LRRC3C: variants seen among roughly 807,000 people sequenced by gnomAD.
LRRC3C encodes the protein leucine rich repeat containing 3C.
LRRC3C carries 11 observed loss-of-function variants against 14.8 expected under a neutral mutation model. The observed-to-expected ratio is 0.74, with a 90% CI of 0.47 to 1.23. The LOEUF is 1.23. Ranked by LOEUF, LRRC3C falls within the 50% of genes most tolerant of loss-of-function variation. The probability of loss-of-function intolerance (pLI) is 0.00; values close to 1 mark genes in which losing one functional copy is unlikely to be tolerated. For missense variants in LRRC3C, 354 were observed against 361.8 expected (o/e 0.98, Z 0.18); for synonymous variants, 149 against 161.5 (o/e 0.92, Z 0.59).
intron 1 of LRRC3C, among the ~76,000 whole-genome samples, chr17:39,929,878 G>A (rs967834066): frequency 6.6e-6 from 1 of 152,174 alleles, no homozygotes; most frequent in Admixed American, 6.5e-5. Flanking sequence ...TATGGGGAAT[G>A]TTTGCTAAGT....
In LRRC3C at chr17:39,944,097, G is replaced by T; in HGVS notation, c.191G>T (p.Arg64Leu). ...VAKEAGERTF[R>L]CSQAGLSAVP... is the part of the protein sequence containing the mutation. ...AAGGAAGCAGGTGAACGGACGTTCC[G>T]CTGCAGCCAGGCAGGCCTCAGTGCT... Residue 64 changes from arginine (R) to leucine (L), a missense_variant, in exon 4 of 4, where the codon CGC becomes CTC. Transcript: ENST00000377924. 6.5e-7 allele frequency: 1 copy of T among 1,536,080 alleles called. No homozygotes were observed. Among genetic ancestry groups the T allele is most frequent in the Non-Finnish European group, 8.7e-7 (1 of 1,146,878 alleles).
At chr17:39,939,317 T>C (rs1978880360) in intron 2 of LRRC3C, 4 of 979,188 alleles carry the variant, frequency 4.1e-6, no homozygotes, top group African/African-American at 1.8e-5. Flanking sequence ...TTAATACTTA[T>C]TCTCTCTCTG....
intron 1 of LRRC3C, 28 bp from the exon 2 acceptor site, chr17:39,935,774 T>G (rs1274176198): frequency 2.2e-5 from 21 of 962,708 alleles, no homozygotes; most frequent in Non-Finnish European, 2.6e-5. Context: ...ATGAAGTGTA[T>G]GTATACACCC....
At chr17:39,929,726 T>C (rs1360313554) in intron 1 of LRRC3C, among the ~76,000 whole-genome samples, 1 of 152,174 alleles carries the variant, frequency 6.6e-6, no homozygotes, top group Non-Finnish European at 1.5e-5. Context: ...AAAGCTGCAA[T>C]GTGTCAGGAT....
chr17:39,930,451 T>G (rs1978618125), intron 1 of LRRC3C, among the ~76,000 whole-genome samples: 1 of 131,198 alleles, frequency 7.6e-6, no homozygotes, highest in Non-Finnish European at 1.6e-5. Context: ...CGCATGCCTG[T>G]AACCCCAGTA....
At chr17:39,930,430 G>A (rs1978616978) in intron 1 of LRRC3C, among the ~76,000 whole-genome samples, 2 of 140,340 alleles carry the variant, frequency 1.4e-5, no homozygotes, top group Admixed American at 7.1e-5. Context: ...AAAAAAGGCC[G>A]GGCATGGTCA....
At chr17:39,928,139 CCTT>C (rs1019793185) in intron 1 of LRRC3C, among the ~76,000 whole-genome samples, 16 of 152,254 alleles carry the variant, frequency 1.1e-4, no homozygotes, top group African/African-American at 3.9e-4. Flanking sequence ...CCTGCCTTCT[CCTT>C]CTCAGTCACG....
rs1978518852 is a variant in LRRC3C, at chr17:39,927,732, G to A, written c.-257G>A. 3 of 985,350 alleles carry A rather than the reference G, an allele frequency of 3.0e-6. No individual in the cohort carries two copies. Among genetic ancestry groups the A allele is most frequent in the Non-Finnish European group, 3.6e-6 (3 of 829,996 alleles). 61.0% of individuals were successfully genotyped at this position (985,350 alleles called of 1,614,324 possible). On this transcript the variant is annotated 5_prime_UTR_variant, in exon 1 of 4. Coordinates refer to ENST00000377924, the MANE Select transcript of LRRC3C (RefSeq NM_001195545.2). The stretch of plus-strand genomic sequence containing the variant: ...CCTCCTGGGAGTTGTAGTTTTTCCT[G>A]GGCTCCGTTCCCGGCCTCTTCGGGG...
Position 39,944,265 on chromosome 17 carries a change from G to A in LRRC3C, c.359G>A (p.Gly120Glu), listed in dbSNP as rs530898305. The A allele has an allele frequency of 3.3e-6, 5 of 1,534,976 alleles. No individual in the cohort carries two copies. In the Admixed American group the frequency reaches 7.9e-5, roughly 24 times the overall value. Residue 120 changes from glycine (G) to glutamate (E), a missense_variant, in exon 4 of 4, where the codon GGG becomes GAG. Transcript: ENST00000377924. ...LSHNALAHLS[G>E]AAFQGLEGTL... ...CATAATGCCCTTGCCCACCTCTCAG[G>A]GGCGGCTTTCCAGGGCCTGGAGGGC...
chr17:39,933,557 A>AC (rs1469810228), intron 1 of LRRC3C, among the ~76,000 whole-genome samples: 3 of 152,052 alleles, frequency 2.0e-5, no homozygotes, highest in African/African-American at 7.2e-5. Context: ...ACACAGTGAA[A>AC]CCCCATCTCC....
Position 39,927,772 on chromosome 17 carries a change from G to C in LRRC3C, c.-217G>C, listed in dbSNP as rs763234955. 42 of 985,388 alleles carry C rather than the reference G, an allele frequency of 4.3e-5. No individual in the cohort carries two copies. The highest frequency in any genetic ancestry group is 4.8e-5 in the Non-Finnish European group (40 of 829,962). The allele number at this position is 985,388 out of a possible 1,614,324, so 61.0% of individuals were successfully genotyped here. A position where few individuals can be genotyped will look rare whatever the true frequency, so the allele number is the denominator to read the frequency against. On this transcript the variant is annotated 5_prime_UTR_variant, in exon 1 of 4. Coordinates refer to ENST00000377924, the MANE Select transcript of LRRC3C (RefSeq NM_001195545.2). Reference sequence around the variant, plus strand: ...CCTCTTCGGGGACGCACGGTTGGAAGTTGTACCGTGACGTGATGGTCAGAT... The same window carrying C: ...CCTCTTCGGGGACGCACGGTTGGAACTTGTACCGTGACGTGATGGTCAGAT...
In LRRC3C at chr17:39,943,938, A is replaced by G. The variant is rs1053185947; in HGVS notation, c.32A>G (p.Tyr11Cys). 5.2e-6 allele frequency: 8 copies of G among 1,535,816 alleles called. No individual in the cohort carries two copies. In the African/African-American group the frequency reaches 1.1e-4, roughly 21 times the overall value. Residue 11 changes from tyrosine (Y) to cysteine (C), a missense_variant, in exon 4 of 4, where the codon TAC becomes TGC. Tyr to Cys is a radical substitution (Grantham distance 194). Coordinates refer to ENST00000377924, the MANE Select transcript of LRRC3C (RefSeq NM_001195545.2). The stretch of plus-strand genomic sequence containing the variant: ...TGTGGCCTTTCCTTCCCCAGATCCT[A>G]CTGCACTCCAGGACTATGCCAATTT... MRMTSSSFVSYCTPGLCQFMA... is the reference protein window; with the variant it reads MRMTSSSFVSCCTPGLCQFMA...
At chr17:39,928,373 G>A (rs1234177809) in intron 1 of LRRC3C, among the ~76,000 whole-genome samples, 1 of 152,206 alleles carries the variant, frequency 6.6e-6, no homozygotes, top group Non-Finnish European at 1.5e-5. Context: ...TAGACATGGG[G>A]TAGGCCCTCC....
intron 1 of LRRC3C, among the ~76,000 whole-genome samples, chr17:39,932,787 A>T (rs1309136735): frequency 6.7e-6 from 1 of 150,256 alleles, no homozygotes; most frequent in East Asian, 2.0e-4. Flanking sequence ...CATGGTGGCT[A>T]GCGCCTGTAA....
chr17:39,927,896 G>A (rs375350511), intron 1 of LRRC3C, 82 bp downstream of exon 1: 4 of 979,666 alleles, frequency 4.1e-6, no homozygotes, highest in East Asian at 2.3e-4. Context: ...GAGGAGACTC[G>A]GACTTGTAAG....
chr17:39,929,250 C>T (rs978940309), intron 1 of LRRC3C: 1 of 152,208 alleles, frequency 6.6e-6, no homozygotes, highest in Non-Finnish European at 1.5e-5. Context: ...TTCCTGACAT[C>T]TCTATGAAGT....
At chr17:39,941,638 G>A (rs577669991) in intron 3 of LRRC3C, 89 bp downstream of exon 3, 32 of 1,179,562 alleles carry the variant, frequency 2.7e-5, no homozygotes, top group South Asian at 1.2e-4. Context: ...TCCAGGTTCC[G>A]TACAATACAA....
At chr17:39,942,599 A>G (rs1978968654) in intron 3 of LRRC3C, among the ~76,000 whole-genome samples, 1 of 152,188 alleles carries the variant, frequency 6.6e-6, no homozygotes, top group Admixed American at 6.5e-5. Flanking sequence ...TAGAGAAGCA[A>G]TCAATCTACC....
At position 39,941,560 on chromosome 17, in the gene LRRC3C, C is replaced by T. The variant is rs1299249421; in HGVS notation, c.26+11C>T. On this transcript the variant is annotated intron_variant, in intron 3 of 3. Coordinates refer to ENST00000377924, the MANE Select transcript of LRRC3C (RefSeq NM_001195545.2). ...CTCATCTTCCTTCGTGTAAGTATAT[C>T]CACCCCTAGTCTCTGTGACACCCCA... 4 of 1,534,822 alleles carry T rather than the reference C, an allele frequency of 2.6e-6. No homozygotes were observed. The highest frequency in any genetic ancestry group is 4.9e-5 in the East Asian group (2 of 40,904).
Sources: gnomAD v4.1 joint callset for allele counts (sites outside exome capture counted in the v4.1 genomes callset) on GRCh38, gnomAD v4.1.1 for gene constraint, MANE v1.5 for transcripts, NCBI Gene and HGNC (gene_info 2026-07-23, HGNC 2026-07-21) for gene names.